CPQ: variants seen among roughly 807,000 people sequenced by gnomAD.
The protein encoded by CPQ is Ser-Met dipeptidase.
CPQ carries 37 observed loss-of-function variants against 45.7 expected under a neutral mutation model. That is an observed-to-expected ratio of 0.81 (90% CI 0.62 to 1.07). The LOEUF (loss-of-function observed/expected upper bound fraction) is 1.07. Ranked by LOEUF, CPQ falls within the 50% of genes least tolerant of loss-of-function variation. The probability of loss-of-function intolerance (pLI) is 0.00; values close to 1 mark genes in which losing one functional copy is unlikely to be tolerated. For synonymous variants in CPQ, 186 were observed against 205.8 expected (o/e 0.90, Z 0.82); for missense variants, 537 against 572.9 (o/e 0.94, Z 0.64).
intron 1 of CPQ, among the ~76,000 whole-genome samples, chr8:96,672,915 G>A (rs939278620): frequency 1.3e-5 from 2 of 152,106 alleles, no homozygotes; most frequent in South Asian, 2.1e-4. Flanking sequence ...TAATGGTGAG[G>A]TTTGGGCTTC....
At chr8:96,716,162 C>T (rs962218754) in intron 1 of CPQ, among the ~76,000 whole-genome samples, 2 of 152,070 alleles carry the variant, frequency 1.3e-5, no homozygotes, top group African/African-American at 4.8e-5. Context: ...CTGGCCTGGG[C>T]GCTGTGTCAT....
At chr8:96,671,063 C>T (rs547424434) in intron 1 of CPQ, among the ~76,000 whole-genome samples, 24 of 152,288 alleles carry the variant, frequency 1.6e-4, no homozygotes, top group African/African-American at 5.5e-4. Flanking sequence ...TAGGATCTCT[C>T]TGTATTCTTT....
intron 1 of CPQ, among the ~76,000 whole-genome samples, chr8:96,705,379 C>A (rs779959098): frequency 2.0e-5 from 3 of 152,152 alleles, no homozygotes; most frequent in Non-Finnish European, 4.4e-5. Flanking sequence ...ACAGAGCTTT[C>A]TTAGGAAAGA....
At chr8:96,987,269 C>A (rs1055993297) in intron 5 of CPQ, among the ~76,000 whole-genome samples, 1 of 151,998 alleles carries the variant, frequency 6.6e-6, no homozygotes, top group Admixed American at 6.6e-5. Flanking sequence ...AAAGTAAAAA[C>A]CAATAGTGTC....
At chr8:96,767,672 C>G (rs1040215728) in intron 1 of CPQ, among the ~76,000 whole-genome samples, 10 of 102,010 alleles carry the variant, frequency 9.8e-5, no homozygotes, top group African/African-American at 1.4e-4. Context: ...GAGACGGACT[C>G]TCACTCCGTT....
At chr8:97,031,193 T>C (rs1809899050) in intron 6 of CPQ, among the ~76,000 whole-genome samples, 1 of 150,164 alleles carries the variant, frequency 6.7e-6, no homozygotes, top group Non-Finnish European at 1.5e-5. Flanking sequence ...CTATTCTTTT[T>C]TTTTTTTTTT....
intron 4 of CPQ, among the ~76,000 whole-genome samples, chr8:96,918,787 ATAC>A (rs1812766243): frequency 6.6e-6 from 1 of 152,086 alleles, no homozygotes; most frequent in Admixed American, 6.6e-5. Context: ...AGTGAGACTG[ATAC>A]TACTATCTCC....
intron 2 of CPQ, among the ~76,000 whole-genome samples, chr8:96,807,591 T>C (rs1811101345): frequency 6.6e-6 from 1 of 152,212 alleles, no homozygotes; most frequent in Non-Finnish European, 1.5e-5. Context: ...TATAGAAGCA[T>C]ATTGTATGCA....
At chr8:97,091,290 T>C (rs1160194108) in intron 7 of CPQ, among the ~76,000 whole-genome samples, 5 of 152,200 alleles carry the variant, frequency 3.3e-5, no homozygotes, top group African/African-American at 1.2e-4. Context: ...ATGTCTGATA[T>C]TTTGTGGTTT....
At chr8:97,018,780 G>A (rs1809624900) in intron 5 of CPQ, among the ~76,000 whole-genome samples, 1 of 152,136 alleles carries the variant, frequency 6.6e-6, no homozygotes, top group Non-Finnish European at 1.5e-5. Flanking sequence ...TGAGGAAGAA[G>A]AGAAATCTAA....
intron 1 of CPQ, among the ~76,000 whole-genome samples, chr8:96,704,312 C>T (rs568490425): frequency 5.9e-5 from 9 of 152,144 alleles, no homozygotes; most frequent in South Asian, 2.1e-4. Context: ...GCAGAAACTT[C>T]GTCTTTCCTA....
chr8:96,883,214 T>G (rs1812252875), intron 4 of CPQ, among the ~76,000 whole-genome samples: 1 of 152,218 alleles, frequency 6.6e-6, no homozygotes, highest in Non-Finnish European at 1.5e-5. Context: ...TTTTGATTAT[T>G]GTGTATAAAG....
intron 5 of CPQ, among the ~76,000 whole-genome samples, chr8:96,972,788 A>G (rs1015907828): frequency 4.6e-5 from 7 of 152,098 alleles, no homozygotes; most frequent in South Asian, 2.1e-4. Context: ...AGCAAAAACA[A>G]TCACTACAGT....
chr8:97,038,510 T>TG (rs1440724373), intron 6 of CPQ, among the ~76,000 whole-genome samples: 1 of 152,184 alleles, frequency 6.6e-6, no homozygotes, highest in Admixed American at 6.5e-5. Context: ...CATCATGCCT[T>TG]GGGCTCACAA....
intron 4 of CPQ, among the ~76,000 whole-genome samples, chr8:96,921,647 G>C (rs938480453): frequency 4.5e-4 from 69 of 152,228 alleles, no homozygotes; most frequent in African/African-American, 1.6e-3. Context: ...CTTGAGCCAG[G>C]GAGGTCTTCC....
chr8:97,133,846 G>T (rs1259388478), intron 7 of CPQ, among the ~76,000 whole-genome samples: 1 of 152,124 alleles, frequency 6.6e-6, no homozygotes, highest in African/African-American at 2.4e-5. Flanking sequence ...TCTTTGGGTG[G>T]ACTTGGCCCC....
intron 2 of CPQ, among the ~76,000 whole-genome samples, chr8:96,794,761 A>G (rs1049524798): frequency 6.6e-6 from 1 of 152,146 alleles, no homozygotes. Flanking sequence ...CTTCTGCCAG[A>G]TACCCTAAAT....
chr8:96,672,868 G>T (rs76094495), intron 1 of CPQ, among the ~76,000 whole-genome samples: 2,857 of 152,106 alleles, frequency 0.019, 31 homozygotes, highest in Middle Eastern at 0.078. Flanking sequence ...TAGATTCAGG[G>T]GGTACATGTG....
chr8:96,980,136 T>G (rs1813864780), intron 5 of CPQ, among the ~76,000 whole-genome samples: 2 of 152,220 alleles, frequency 1.3e-5, no homozygotes, highest in South Asian at 4.1e-4. Flanking sequence ...CATTCTATCA[T>G]TATATATAGA....
Sources: allele counts gnomAD v4.1 joint callset (sites outside exome capture counted in the v4.1 genomes callset), GRCh38; gene constraint gnomAD v4.1.1; transcripts MANE v1.5; gene names NCBI Gene and HGNC (gene_info 2026-07-23, HGNC 2026-07-21).